Variants in DCAF8L2 observed in about 807,000 individuals in gnomAD.
DCAF8L2 encodes the protein DDB1 and CUL4 associated factor 8 like 2, also known as DDB1- and CUL4-associated factor 8-like protein 2.
For synonymous variants in DCAF8L2, 200 were observed against 190.9 expected (o/e 1.05, Z -0.39); for missense variants, 430 against 490.7 (o/e 0.88, Z 1.17).
At chrX:27,607,394 A>C (rs5926838) in intron 1 of DCAF8L2, among the ~76,000 whole-genome samples, 47,702 of 109,831 alleles carry the variant, frequency 0.43, 8,673 homozygotes, top group African/African-American at 0.68. Flanking sequence ...TTCTTGAATC[A>C]TTTCCTGTAT....
chrX:27,597,121 A>G (rs1569155232), intron 1 of DCAF8L2, among the ~76,000 whole-genome samples: 1 of 112,050 alleles, frequency 8.9e-6, no homozygotes, highest in Non-Finnish European at 1.9e-5. Context: ...TGTAAAATAA[A>G]TATTATCTAA....
At chrX:27,487,575 G>C in the DCAF8L2 span, among the ~76,000 whole-genome samples, 1 of 111,919 alleles carries the variant, frequency 8.9e-6, no homozygotes, top group Non-Finnish European at 1.9e-5. Context: ...GAGCTACTGC[G>C]CCCGGCCTTG....
At chrX:27,485,978 G>A in the DCAF8L2 span, among the ~76,000 whole-genome samples, 2 of 75,908 alleles carry the variant, frequency 2.6e-5, no homozygotes, top group South Asian at 8.1e-4. Context: ...AATCTAGACC[G>A]TTATAATAAT....
chrX:27,500,994 T>A, the DCAF8L2 span, among the ~76,000 whole-genome samples: 1 of 111,622 alleles, frequency 9.0e-6, no homozygotes, highest in South Asian at 3.7e-4. Flanking sequence ...TGCGCAATGT[T>A]CATATGCCTT....
chrX:27,560,423 A>G, the DCAF8L2 span, among the ~76,000 whole-genome samples: 2 of 111,761 alleles, frequency 1.8e-5, no homozygotes, highest in Non-Finnish European at 3.8e-5. Flanking sequence ...AAGCCAGTCC[A>G]TGAGTAAACA....
chrX:27,551,263 A>C, the DCAF8L2 span, among the ~76,000 whole-genome samples: 6 of 110,369 alleles, frequency 5.4e-5, no homozygotes, highest in East Asian at 5.7e-4. Context: ...AGAAATTGCC[A>C]AAGCCACCCC....
intron 3 of DCAF8L2, among the ~76,000 whole-genome samples, chrX:27,700,526 T>G (rs937719712): frequency 5.4e-5 from 6 of 111,093 alleles, no homozygotes; most frequent in Non-Finnish European, 9.4e-5. Context: ...TTTTGCATTC[T>G]CCTGTTAGAA....
intron 2 of DCAF8L2, among the ~76,000 whole-genome samples, chrX:27,667,036 CT>C (rs1929763003): frequency 9.3e-6 from 1 of 107,653 alleles, no homozygotes; most frequent in African/African-American, 3.4e-5. Context: ...CCTAATGATA[CT>C]TTCAGATACT....
the DCAF8L2 span, among the ~76,000 whole-genome samples, chrX:27,553,564 C>T: frequency 9.0e-6 from 1 of 110,759 alleles, no homozygotes; most frequent in East Asian, 2.9e-4. Flanking sequence ...GATATCAGTA[C>T]AGCTAATCCT....
intron 1 of DCAF8L2, 28 bp downstream of exon 1, chrX:27,590,468 A>G (rs1926019919): frequency 9.0e-6 from 1 of 111,603 alleles, no homozygotes; most frequent in Non-Finnish European, 1.9e-5. Flanking sequence ...TGATTTCAAC[A>G]ATGATTTTGG....
At chrX:27,564,886 A>G in the DCAF8L2 span, among the ~76,000 whole-genome samples, 1 of 109,288 alleles carries the variant, frequency 9.2e-6, no homozygotes, top group Admixed American at 9.8e-5. Flanking sequence ...GGGTGTCCCT[A>G]TGTGCTGGTC....
chrX:27,521,834 C>A, the DCAF8L2 span, among the ~76,000 whole-genome samples: 6 of 111,644 alleles, frequency 5.4e-5, no homozygotes, highest in African/African-American at 2.0e-4. Context: ...TACTAAGCAT[C>A]CTATTTGCCT....
intron 3 of DCAF8L2, among the ~76,000 whole-genome samples, chrX:27,715,366 C>CAA (rs35269496): frequency 0.027 from 1,519 of 56,657 alleles, 58 homozygotes; most frequent in African/African-American, 0.084. Context: ...GACTCCGTCT[C>CAA]AAAAAAAAAA....
chrX:27,678,101 A>G (rs1011466824), intron 3 of DCAF8L2, among the ~76,000 whole-genome samples, 189 bp downstream of exon 3: 2 of 111,860 alleles, frequency 1.8e-5, no homozygotes, highest in Non-Finnish European at 3.8e-5. Context: ...GTGACTTCTT[A>G]TTTTCTGGTT....
chrX:27,567,205 T>C, the DCAF8L2 span, among the ~76,000 whole-genome samples: 3 of 110,132 alleles, frequency 2.7e-5, no homozygotes, highest in Non-Finnish European at 5.7e-5. Flanking sequence ...TTATTTTGCT[T>C]TTAGGTGGAA....
At chrX:27,730,431 T>C (rs1232389694) in intron 4 of DCAF8L2, among the ~76,000 whole-genome samples, 3 of 111,397 alleles carry the variant, frequency 2.7e-5, no homozygotes, top group African/African-American at 9.8e-5. Flanking sequence ...TTTATTTTGC[T>C]TTTTGAGACA....
chrX:27,549,857 A>G, the DCAF8L2 span, among the ~76,000 whole-genome samples: 1 of 111,451 alleles, frequency 9.0e-6, no homozygotes, highest in Non-Finnish European at 1.9e-5. Context: ...AACCAAAGAA[A>G]GCTGCCTCAC....
intron 1 of DCAF8L2, among the ~76,000 whole-genome samples, chrX:27,615,610 T>C (rs751171768): frequency 9.0e-6 from 1 of 111,006 alleles, no homozygotes; most frequent in African/African-American, 3.3e-5. Flanking sequence ...GATTCACTGT[T>C]CACCAAGACT....
At chrX:27,475,376 TATATTTGAAG>T in the DCAF8L2 span, among the ~76,000 whole-genome samples, 102 of 112,347 alleles carry the variant, frequency 9.1e-4, 1 homozygote, top group Non-Finnish European at 1.3e-3. Context: ...AGAGCCAATT[TATATTTGAAG>T]ATATTTACAT....
Sources: gnomAD v4.1 joint callset for allele counts (sites outside exome capture counted in the v4.1 genomes callset) on GRCh38, gnomAD v4.1.1 for gene constraint, MANE v1.5 for transcripts, NCBI Gene and HGNC (gene_info 2026-07-23, HGNC 2026-07-21) for gene names.